The following LOXL2 variants were observed in gnomAD, a reference collection of about 807,000 sequenced individuals.
The protein encoded by LOXL2 is lysyl oxidase like 2, also known as lysyl oxidase homolog 2.
A neutral mutation model predicts 93.0 loss-of-function variants in LOXL2; 70 were observed. The ratio of observed to expected loss-of-function variants is 0.75; its 90% CI spans 0.62 to 0.92. LOXL2 has a LOEUF of 0.92. LOXL2 is among the 40% of genes least tolerant of loss of function. The pLI is 0.00. For missense variants in LOXL2, 973 were observed against 1,054.9 expected, an observed-to-expected ratio of 0.92 and a Z score of 1.08; for synonymous variants, 438 against 413.2, an observed-to-expected ratio of 1.06 and a Z score of -0.73.
chr8:23,368,228 G>A lies in LOXL2; in HGVS notation c.124C>T (p.Pro42Ser), dbSNP rs1396759655. ...GGGGCCTGGGGCTGGTGATACTCAG[G>A]AGCCGGTTGCTGGAAGTACTCGGGG... is the stretch of plus-strand genomic sequence containing the variant. ...HYPEYFQQPA[P>S]EYHQPQAPAN... Residue 42 changes from proline to serine, a missense_variant, in exon 2 of 14, where the codon CCT becomes TCT. Transcript: ENST00000389131. The A allele has an allele frequency of 6.2e-7, 1 of 1,614,024 alleles. No homozygotes were observed. Among genetic ancestry groups the A allele is most frequent in the African/African-American group, 1.3e-5 (1 of 75,064 alleles).
At position 23,398,121 on chromosome 8, in the gene LOXL2, A is replaced by G. The variant is rs1376712985; in HGVS notation, c.-84+5833T>C. Among the ~76,000 whole-genome samples, 5 of 152,350 alleles carry G rather than the reference A, an allele frequency of 3.3e-5. No individual in the cohort carries two copies. In the East Asian group the frequency reaches 5.8e-4, roughly 18 times the overall value. On this transcript the variant is annotated intron_variant, in intron 1 of 13. Coordinates refer to ENST00000389131, the MANE Select transcript of LOXL2 (RefSeq NM_002318.3). ...GTGTTTACCTTGGTACCCCAGTGGTATATCAGGACAAGCCTGGGGGCAAAA... is the reference window on the plus strand; with the variant it reads ...GTGTTTACCTTGGTACCCCAGTGGTGTATCAGGACAAGCCTGGGGGCAAAA...
chr8:23,370,358 C>A lies in LOXL2; in HGVS notation c.-83-1924G>T, dbSNP rs572688710. Among the ~76,000 whole-genome samples the A allele has an allele frequency of 1.8e-4, 27 of 152,266 alleles. No homozygotes were observed. In the South Asian group the frequency reaches 5.2e-3, roughly 29 times the overall value. ...GTATTTCTGCTTCCCTTTGACATCA[C>A]ATTTTGCTGGTGCTTTACATTGTTG... is the stretch of plus-strand genomic sequence containing the variant. On this transcript the variant is annotated intron_variant, in intron 1 of 13. Transcript: ENST00000389131.
At chr8:23,372,575 A>G (rs749609046) in intron 1 of LOXL2, among the ~76,000 whole-genome samples, 15 of 152,198 alleles carry the variant, frequency 9.9e-5, no homozygotes, top group Non-Finnish European at 2.1e-4. Context: ...AAGGATGGAA[A>G]CAGATATACC....
Position 23,298,898 on chromosome 8 carries a change from T to C in LOXL2, c.2183A>G (p.Asn728Ser), listed in dbSNP as rs143689866. ...ATAGCGGCTCCTGCATTTCATGATGTTGTTGGAGTAATCGGATTCTGCAAC... is the reference window on the plus strand; with the variant it reads ...ATAGCGGCTCCTGCATTTCATGATGCTGTTGGAGTAATCGGATTCTGCAAC... The part of the protein sequence containing the change: ...FEVAESDYSN[N>S]IMKCRSRYDG... Residue 728 changes from asparagine (N) to serine (S), a missense_variant, in exon 13 of 14, where the codon AAC becomes AGC. Transcript: ENST00000389131. 1.2e-6 allele frequency: 2 copies of C among 1,613,996 alleles called. No individual in the cohort carries two copies. The highest frequency in any genetic ancestry group is 2.2e-5 in the East Asian group (1 of 44,870).
chr8:23,370,500 A>C (rs1477225349), intron 1 of LOXL2: 1 of 152,244 alleles, frequency 6.6e-6, no homozygotes, highest in Non-Finnish European at 1.5e-5. Context: ...GCAGTAGATA[A>C]AGCTACCTGC....
chr8:23,304,849 G>A (rs779398032), intron 10 of LOXL2, among the ~76,000 whole-genome samples: 3 of 152,154 alleles, frequency 2.0e-5, no homozygotes, highest in Non-Finnish European at 4.4e-5. Context: ...TGCTGTGTAC[G>A]GGCAGTGGGG....
At chr8:23,312,012 C>T (rs1277805743) in intron 9 of LOXL2, among the ~76,000 whole-genome samples, 1 of 152,180 alleles carries the variant, frequency 6.6e-6, no homozygotes, top group Non-Finnish European at 1.5e-5. Context: ...TCAGAGAATA[C>T]TACAAACACC....
rs975022628 is a variant in LOXL2 at position 23,298,931 on chromosome 8, T to C, written c.2150A>G (p.Asn717Ser). ...GTAATCGGATTCTGCAACCTCGAAG[T>C]TGGGGTTAATAACAACCTAGGGAGA... ...DYLFQVVINP[N>S]FEVAESDYSN... Residue 717 changes from asparagine to serine, a missense_variant, in exon 13 of 14, where the codon AAC becomes AGC. Asn to Ser is a conservative substitution (Grantham distance 46). Transcript: ENST00000389131. 1.9e-6 allele frequency: 3 copies of C among 1,611,492 alleles called. No homozygotes were observed. The highest frequency in any genetic ancestry group is 1.1e-5 in the South Asian group (1 of 91,036).
At chr8:23,344,148 A>G (rs1803930239) in intron 3 of LOXL2, among the ~76,000 whole-genome samples, 1 of 152,210 alleles carries the variant, frequency 6.6e-6, no homozygotes, top group Non-Finnish European at 1.5e-5. Context: ...AGGCCAGCAC[A>G]CACCAACCCA....
chr8:23,380,525 G>A (rs553540917), intron 1 of LOXL2, among the ~76,000 whole-genome samples: 39 of 152,172 alleles, frequency 2.6e-4, no homozygotes, highest in South Asian at 1.0e-3. Flanking sequence ...CTAGAACAGC[G>A]CTCCTGAATT....
Position 23,342,577 on chromosome 8 carries a change from G to A in LOXL2, c.532-1374C>T, listed in dbSNP as rs575780441. Among the ~76,000 whole-genome samples, 14 of 151,876 alleles carry A rather than the reference G, an allele frequency of 9.2e-5. No homozygotes were observed. In the South Asian group the frequency reaches 2.5e-3, roughly 27 times the overall value. The stretch of plus-strand genomic sequence containing the variant: ...CTCCCAAGTAGCTGGGACTACAGGC[G>A]CACGCCACCACACCCGGCCAATTGT... On this transcript the variant is annotated intron_variant, in intron 3 of 13. Transcript: ENST00000389131.
chr8:23,323,375 G>A (rs1266053978), intron 6 of LOXL2, among the ~76,000 whole-genome samples: 9 of 152,158 alleles, frequency 5.9e-5, no homozygotes, highest in African/African-American at 1.2e-4. Flanking sequence ...AAACGCCCAC[G>A]CTCTCCTCCC....
chr8:23,316,530 C>A (rs962703888), intron 9 of LOXL2, among the ~76,000 whole-genome samples: 19 of 152,122 alleles, frequency 1.2e-4, no homozygotes, highest in Non-Finnish European at 2.8e-4. Context: ...TCCCAGCGAA[C>A]TACCGGGCAG....
intron 1 of LOXL2, among the ~76,000 whole-genome samples, chr8:23,398,826 T>TC (rs1362399744): frequency 6.6e-6 from 1 of 152,028 alleles, no homozygotes; most frequent in East Asian, 1.9e-4. Context: ...TTTTTTTTTT[T>TC]TGGTAGAGAC....
intron 1 of LOXL2, among the ~76,000 whole-genome samples, chr8:23,402,262 GAC>G (rs981199619): frequency 7.3e-5 from 11 of 151,498 alleles, no homozygotes; most frequent in South Asian, 6.3e-4. Flanking sequence ...CTCGTGTGGA[GAC>G]ACACACATGC....
At chr8:23,354,588 C>G (rs927228057) in intron 3 of LOXL2, among the ~76,000 whole-genome samples, 22 of 150,804 alleles carry the variant, frequency 1.5e-4, no homozygotes, top group African/African-American at 4.4e-4. Flanking sequence ...CATCCCTTCT[C>G]TGTGTGTGTG....
intron 1 of LOXL2, among the ~76,000 whole-genome samples, chr8:23,397,085 G>C (rs1283774057): frequency 6.6e-6 from 1 of 152,198 alleles, no homozygotes; most frequent in Non-Finnish European, 1.5e-5. Flanking sequence ...GCCATGCTAA[G>C]TAAAATGAGC....
At position 23,368,034 on chromosome 8, in the gene LOXL2, C is replaced by T. The variant is rs1189917550; in HGVS notation, c.318G>A (p.Lys106=). Residue 106 remains lysine (K), a synonymous_variant, in exon 2 of 14, where the codon AAG becomes AAA. Transcript: ENST00000389131. The stretch of plus-strand genomic sequence containing the variant: ...CGTAGGAGGAGCTGGCAGTCCAGGA[C>T]TTGGCCTCCACGTAGCCCAGCTCCC... The part of the protein sequence containing the change: ...VCRELGYVEA[K]SWTASSSYGK... 1.2e-6 allele frequency: 2 copies of T among 1,613,828 alleles called. No homozygotes were observed. The highest frequency in any genetic ancestry group is 1.1e-5 in the South Asian group (1 of 91,080).
At chr8:23,344,647 G>A (rs11777856) in intron 3 of LOXL2, among the ~76,000 whole-genome samples, 38 of 151,482 alleles carry the variant, frequency 2.5e-4, no homozygotes, top group Admixed American at 1.1e-3. Context: ...TGTGTGTGCC[G>A]GTGTGTCATG....
Sources: allele counts gnomAD v4.1 joint callset (sites outside exome capture counted in the v4.1 genomes callset), GRCh38; gene constraint gnomAD v4.1.1; transcripts MANE v1.5; gene names NCBI Gene and HGNC (gene_info 2026-07-23, HGNC 2026-07-21).